NAV3: variants seen among roughly 807,000 people sequenced by gnomAD.
NAV3 encodes the protein neuron navigator 3.
A neutral mutation model predicts 244.7 loss-of-function variants in NAV3; 87 were observed. The observed-to-expected ratio is 0.36, with a 90% CI of 0.30 to 0.42. NAV3 has a LOEUF of 0.42. Ranked by LOEUF, NAV3 falls within the 20% of genes least tolerant of loss-of-function variation. The probability of loss-of-function intolerance (pLI) is 1.00; values close to 1 mark genes in which losing one functional copy is unlikely to be tolerated. For synonymous variants in NAV3, 1,126 were observed against 1,042.2 expected (o/e 1.08, Z -1.55); for missense variants, 2,663 against 2,893.3 (o/e 0.92, Z 1.83).
chr12:77,631,399 G>A (rs368335150), intron 2 of NAV3, among the ~76,000 whole-genome samples: 2 of 151,642 alleles, frequency 1.3e-5, no homozygotes, highest in South Asian at 4.2e-4. Context: ...ATTTTATAGC[G>A]ATTAAATCAG....
chr12:77,751,354 G>C (rs1868844298), intron 2 of NAV3, among the ~76,000 whole-genome samples: 1 of 152,138 alleles, frequency 6.6e-6, no homozygotes, highest in Non-Finnish European at 1.5e-5. Flanking sequence ...TATACACATT[G>C]ATATGGTTTG....
chr12:78,173,272 T>C (rs1958080026), intron 24 of NAV3, among the ~76,000 whole-genome samples: 1 of 151,650 alleles, frequency 6.6e-6, no homozygotes, highest in African/African-American at 2.4e-5. Flanking sequence ...CTAATCTTTA[T>C]TGGTGAATGC....
chr12:78,206,952 G>A (rs1168971466), intron 39 of NAV3, among the ~76,000 whole-genome samples: 1 of 139,456 alleles, frequency 7.2e-6, no homozygotes, highest in African/African-American at 2.6e-5. Flanking sequence ...TCCGCCCCCC[G>A]AGTTCAAGCA....
intron 25 of NAV3, among the ~76,000 whole-genome samples, chr12:78,175,745 A>T (rs2595025): frequency 0.055 from 7,389 of 135,020 alleles, 175 homozygotes; most frequent in Non-Finnish European, 0.078. Context: ...GATGTTATCT[A>T]ATTTTTCTAT....
chr12:77,833,291 G>T (rs1874034853), intron 1 of NAV3, among the ~76,000 whole-genome samples: 1 of 151,064 alleles, frequency 6.6e-6, no homozygotes, highest in Non-Finnish European at 1.5e-5. Context: ...TGCATGATAA[G>T]AATTAAATAG....
chr12:78,117,714 A>T (rs551088952), intron 13 of NAV3, among the ~76,000 whole-genome samples: 91 of 152,048 alleles, frequency 6.0e-4, no homozygotes, highest in Non-Finnish European at 1.1e-3. Context: ...GTTGTGAATG[A>T]TAAATCAAAA....
At chr12:78,078,804 C>G (rs1237414696) in intron 12 of NAV3, among the ~76,000 whole-genome samples, 1 of 152,128 alleles carries the variant, frequency 6.6e-6, no homozygotes, top group Non-Finnish European at 1.5e-5. Context: ...AAAGATGACT[C>G]TCTGAGATTT....
intron 12 of NAV3, chr12:78,091,782 C>G: frequency 1.2e-5 from 1 of 86,152 alleles, no homozygotes; most frequent in Non-Finnish European, 2.2e-5. Context: ...GGCGACAGAG[C>G]GAGACTCCGT....
intron 21 of NAV3, 29 bp downstream of exon 21, chr12:78,146,421 A>G (rs1458774705): frequency 1.6e-5 from 16 of 990,646 alleles, no homozygotes; most frequent in Non-Finnish European, 2.0e-5. Context: ...ATATTTTAAT[A>G]TTTTCTATTT....
intron 2 of NAV3, among the ~76,000 whole-genome samples, chr12:77,629,324 G>A (rs939921839): frequency 1.3e-5 from 2 of 152,164 alleles, no homozygotes; most frequent in Non-Finnish European, 2.9e-5. Flanking sequence ...TAGAAATTTT[G>A]AGAATGCTGA....
At chr12:77,745,440 A>G (rs1401088862) in intron 2 of NAV3, among the ~76,000 whole-genome samples, 1 of 152,064 alleles carries the variant, frequency 6.6e-6, no homozygotes, top group African/African-American at 2.4e-5. Flanking sequence ...AGCAATGAAC[A>G]CAGATAAAAC....
At chr12:77,932,269 C>A (rs1222421893) in intron 1 of NAV3, among the ~76,000 whole-genome samples, 1 of 152,064 alleles carries the variant, frequency 6.6e-6, no homozygotes, top group Non-Finnish European at 1.5e-5. Context: ...TAAAGTATGT[C>A]CTGGCTTTTG....
intron 16 of NAV3, among the ~76,000 whole-genome samples, chr12:78,124,760 G>A (rs1453992111): frequency 6.6e-6 from 1 of 151,964 alleles, no homozygotes; most frequent in African/African-American, 2.4e-5. Context: ...GCCTGAAATA[G>A]GCCAATTTTT....
intron 11 of NAV3, among the ~76,000 whole-genome samples, chr12:78,058,020 A>T (rs1452231246): frequency 6.6e-6 from 1 of 152,186 alleles, no homozygotes; most frequent in Non-Finnish European, 1.5e-5. Flanking sequence ...TGCCACTCTA[A>T]AGGAAGATGC....
At chr12:78,197,672 C>T (rs1167143082) in intron 35 of NAV3, among the ~76,000 whole-genome samples, 2 of 151,612 alleles carry the variant, frequency 1.3e-5, no homozygotes, top group Middle Eastern at 3.2e-3. Context: ...TTTGAGAAAC[C>T]CTCTTTAATA....
intron 1 of NAV3, among the ~76,000 whole-genome samples, chr12:77,844,705 A>G (rs1876318635): frequency 6.6e-6 from 1 of 152,198 alleles, no homozygotes; most frequent in African/African-American, 2.4e-5. Flanking sequence ...CAGAAAGAAT[A>G]TAGTCATATA....
chr12:77,853,103 G>C (rs1350980916), intron 1 of NAV3, among the ~76,000 whole-genome samples: 1 of 152,196 alleles, frequency 6.6e-6, no homozygotes, highest in Non-Finnish European at 1.5e-5. Context: ...TTACTAACCT[G>C]AATGCATCTT....
chr12:77,754,168 C>G (rs1291547312), intron 2 of NAV3, among the ~76,000 whole-genome samples: 1 of 152,130 alleles, frequency 6.6e-6, no homozygotes, highest in Non-Finnish European at 1.5e-5. Flanking sequence ...AACCTTTCTT[C>G]CAGCTCATCC....
chr12:78,185,967 T>C (rs565915751), intron 31 of NAV3, among the ~76,000 whole-genome samples: 2 of 152,046 alleles, frequency 1.3e-5, no homozygotes, highest in East Asian at 3.9e-4. Context: ...TAGTTATTTC[T>C]TTGGCAAACA....
Sources: gnomAD v4.1 joint callset for allele counts (sites outside exome capture counted in the v4.1 genomes callset) on GRCh38, gnomAD v4.1.1 for gene constraint, MANE v1.5 for transcripts, NCBI Gene and HGNC (gene_info 2026-07-23, HGNC 2026-07-21) for gene names.